MYO5C: variants seen among roughly 807,000 people sequenced by gnomAD.
MYO5C encodes unconventional myosin-Vc.
Under a neutral mutation model 235.7 loss-of-function variants are expected in MYO5C, and 194 were observed. That is an observed-to-expected ratio of 0.82 (90% CI 0.73 to 0.93). The LOEUF (loss-of-function observed/expected upper bound fraction) is 0.93, where lower values mean the gene tolerates loss of function less well. Among genes scored for constraint, MYO5C ranks in the 40% least tolerant of loss-of-function variants. The pLI, the probability that MYO5C is intolerant of heterozygous loss-of-function variation, is 0.00. For missense variants in MYO5C, 2,038 were observed against 2,127.2 expected (o/e 0.96, Z 0.82); for synonymous variants, 707 against 754.8 (o/e 0.94, Z 1.04).
chr15:52,226,495 C>T (rs529193970), intron 25 of MYO5C, among the ~76,000 whole-genome samples: 1 of 152,278 alleles, frequency 6.6e-6, no homozygotes. Flanking sequence ...GATATTTTTT[C>T]AGTTACCCTG....
intron 20 of MYO5C, among the ~76,000 whole-genome samples, chr15:52,241,250 C>CTTTT (rs71130143): frequency 3.4e-5 from 2 of 59,578 alleles, no homozygotes; most frequent in African/African-American, 6.9e-5. Flanking sequence ...GTGGGCTAAT[C>CTTTT]TTTTTTTTTT....
Position 52,205,866 on chromosome 15 carries a change from A to C in MYO5C, c.4487T>G (p.Ile1496Arg), listed in dbSNP as rs765944504. The C allele has an allele frequency of 6.3e-7, 1 of 1,592,682 alleles. No individual in the cohort carries two copies. The highest frequency in any genetic ancestry group is 1.3e-5 in the African/African-American group (1 of 74,556). ...CATTATGATAATAAATTGATGATAT[A>C]TTCGTATAGCCACATCACTGAGAAT... ...RQILSDVAIR[I>R]YHQFIIIMEK... The change falls in exon 37 of 41, where the codon ATA becomes AGA. Residue 1496 changes from isoleucine (I) to arginine (R), a missense_variant. Coordinates refer to ENST00000261839, the MANE Select transcript of MYO5C (RefSeq NM_018728.4).
At position 52,244,556 on chromosome 15, in the gene MYO5C, C is replaced by T. The variant is rs767692060; in HGVS notation, c.2190G>A (p.Gln730=). 6.2e-7 allele frequency: 1 copy of T among 1,608,676 alleles called. No homozygotes were observed. ...AAATTTTGGTTTTACCAAACTGGTA[C>T]TGATTAGAATCCTGGAAGAGAAAAA... ...VLHRLIQDSN[Q]YQFGKTKIFF... is the part of the protein sequence containing the mutation. The change falls in exon 19 of 41, where the codon CAG becomes CAA. Residue 730 remains glutamine, a synonymous_variant. Coordinates refer to ENST00000261839, the MANE Select transcript of MYO5C (RefSeq NM_018728.4).
chr15:52,251,832 T>G (rs2036479635), intron 12 of MYO5C, among the ~76,000 whole-genome samples: 1 of 151,968 alleles, frequency 6.6e-6, no homozygotes, highest in South Asian at 2.1e-4. Flanking sequence ...GCCTGACTAA[T>G]TTTTGTATTT....
At chr15:52,227,045 G>A (rs905690110) in intron 25 of MYO5C, among the ~76,000 whole-genome samples, 3 of 151,818 alleles carry the variant, frequency 2.0e-5, no homozygotes, top group African/African-American at 4.8e-5. Flanking sequence ...CCAGCTACCT[G>A]GGAGGCTGAG....
rs1420190741 is a variant in MYO5C, at chr15:52,205,977, T to G, written c.4387-11A>C. 3 of 1,469,804 alleles carry G rather than the reference T, an allele frequency of 2.0e-6. No homozygotes were observed. The highest frequency in any genetic ancestry group is 2.8e-6 in the Non-Finnish European group (3 of 1,088,960). The allele number at this position is 1,469,804 out of a possible 1,614,324, so 91.0% of individuals were successfully genotyped here. A position where few individuals can be genotyped will look rare whatever the true frequency, so the allele number is the denominator to read the frequency against. On this transcript the variant is annotated splice_polypyrimidine_tract_variant and intron_variant, in intron 36 of 40. Transcript: ENST00000261839. Reference sequence around the variant, plus strand: ...ATGCTTCATGAATTCCTAAAAGTAATTTTAAACATAAAATATTAGAATAAT... The same window carrying G: ...ATGCTTCATGAATTCCTAAAAGTAAGTTTAAACATAAAATATTAGAATAAT...
intron 11 of MYO5C, among the ~76,000 whole-genome samples, chr15:52,256,256 T>A (rs183756409): frequency 1.3e-5 from 2 of 151,956 alleles, no homozygotes; most frequent in Middle Eastern, 3.4e-3. Flanking sequence ...CACGTGAAGA[T>A]AAAGCAATGG....
At chr15:52,247,398 T>C (rs887893083) in intron 15 of MYO5C, 60 bp downstream of exon 15, 55 of 1,575,768 alleles carry the variant, frequency 3.5e-5, no homozygotes, top group Middle Eastern at 1.7e-4. Context: ...CTGAGTGCCC[T>C]GGCTCCCCAG....
chr15:52,195,325 T>C, intron 40 of MYO5C, 52 bp downstream of exon 40: 1 of 1,234,176 alleles, frequency 8.1e-7, no homozygotes, highest in Non-Finnish European at 1.2e-6. Flanking sequence ...TATCAACATC[T>C]TATACCATAG....
chr15:52,281,904 A>G (rs1157997370), intron 2 of MYO5C, among the ~76,000 whole-genome samples: 1 of 152,166 alleles, frequency 6.6e-6, no homozygotes, highest in East Asian at 1.9e-4. Context: ...CACCTCTGGG[A>G]TCTAGATGGA....
chr15:52,213,118 G>C, intron 34 of MYO5C, 70 bp downstream of exon 34: 1 of 1,169,496 alleles, frequency 8.6e-7, no homozygotes, highest in Non-Finnish European at 1.3e-6. Flanking sequence ...CCCTGCCCAG[G>C]ACTTTGGCAC....
Position 52,247,523 on chromosome 15 carries a change from C to T in MYO5C, c.1816G>A (p.Val606Ile), listed in dbSNP as rs1239198163. The change falls in exon 15 of 41, where the codon GTT becomes ATT. Residue 606 changes from valine (V) to isoleucine (I), a missense_variant. By Grantham distance (29) the Val-to-Ile change is conservative. Transcript: ENST00000261839. ...TTGATGACTTGCTTTGCAGATTTAACTGTAATCATTGAACCAAAAGGAGAA... is the reference window on the plus strand; with the variant it reads ...TTGATGACTTGCTTTGCAGATTTAATTGTAATCATTGAACCAAAAGGAGAA... ...PPSPFGSMIT[V>I]KSAKQVIKPN... is the part of the protein sequence containing the mutation. 1.2e-6 allele frequency: 2 copies of T among 1,614,052 alleles called. No homozygotes were observed. The highest frequency in any genetic ancestry group is 4.5e-5 in the East Asian group (2 of 44,892).
chr15:52,238,271 C>T (rs1053216240), intron 21 of MYO5C, among the ~76,000 whole-genome samples: 33 of 152,242 alleles, frequency 2.2e-4, no homozygotes, highest in Non-Finnish European at 7.3e-5. Flanking sequence ...TTTGCTATGA[C>T]AGTCCTAGCA....
Position 52,195,440 on chromosome 15 carries a change from A to C in MYO5C, c.5013T>G (p.Asn1671Lys). 6.2e-7 allele frequency: 1 copy of C among 1,612,138 alleles called. No individual in the cohort carries two copies. The highest frequency in any genetic ancestry group is 8.5e-7 in the Non-Finnish European group (1 of 1,178,872). Residue 1671 changes from asparagine to lysine, a missense_variant, in exon 40 of 41, where the codon AAT becomes AAG. Transcript: ENST00000261839. Reference protein sequence around the residue: ...LSAVQIIKILNSYTPIDDFEK... With the variant: ...LSAVQIIKILKSYTPIDDFEK... ...CAAAGTCATCTATAGGTGTGTATGA[A>C]TTAAGGATCTTTATGATCTGCAAAC... is the stretch of plus-strand genomic sequence containing the variant.
intron 32 of MYO5C, among the ~76,000 whole-genome samples, chr15:52,217,364 T>G (rs769970467): frequency 3.9e-5 from 6 of 152,120 alleles, no homozygotes; most frequent in Admixed American, 1.3e-4. Context: ...AGGAACGAAC[T>G]CATAAATCCG....
intron 1 of MYO5C, among the ~76,000 whole-genome samples, chr15:52,286,190 C>G (rs1247436105): frequency 6.6e-6 from 1 of 150,526 alleles, no homozygotes; most frequent in African/African-American, 2.4e-5. Context: ...AGAGTGTCTC[C>G]GCCCGGCAGC....
At chr15:52,266,640 G>C (rs899577669) in intron 8 of MYO5C, among the ~76,000 whole-genome samples, 1 of 152,164 alleles carries the variant, frequency 6.6e-6, no homozygotes, top group Non-Finnish European at 1.5e-5. Context: ...AGGAAACTAA[G>C]GCATAGGAAG....
chr15:52,200,699 TAGA>T lies in MYO5C; in HGVS notation c.4820+4163_4820+4165del, dbSNP rs1483009728. Among the ~76,000 whole-genome samples, 4 of 152,164 alleles carry T rather than the reference TAGA, an allele frequency of 2.6e-5. No individual in the cohort carries two copies. The East Asian group carries it at 5.8e-4, about 22-fold the overall frequency. On this transcript the variant is annotated intron_variant, in intron 38 of 40. Coordinates refer to ENST00000261839, the MANE Select transcript of MYO5C (RefSeq NM_018728.4). ...AACTCACATTAAACAAAACAACTAA[TAGA>T]AGTCAACACTGAGATGACACAGATA...
chr15:52,269,773 T>C lies in MYO5C; in HGVS notation c.920A>G (p.Gln307Arg). 1 of 1,612,128 alleles carries C rather than the reference T, an allele frequency of 6.2e-7. No individual in the cohort carries two copies. Among genetic ancestry groups the C allele is most frequent in the Non-Finnish European group, 8.5e-7 (1 of 1,178,312 alleles). ...CTTACCCAGAAGCGTGAAGGTCTTT[T>C]GAGTCTCTACCATTTCAGCTCGATC... Reference protein sequence around the residue: ...VNDRAEMVETQKTFTLLGFKE... With the variant: ...VNDRAEMVETRKTFTLLGFKE... Residue 307 changes from glutamine to arginine, a missense_variant, in exon 8 of 41, where the codon CAA becomes CGA. Gln to Arg is a conservative substitution (Grantham distance 43, BLOSUM62 1). Coordinates refer to ENST00000261839, the MANE Select transcript of MYO5C (RefSeq NM_018728.4).
Sources: allele counts gnomAD v4.1 joint callset (sites outside exome capture counted in the v4.1 genomes callset), GRCh38; gene constraint gnomAD v4.1.1; transcripts MANE v1.5; gene names NCBI Gene and HGNC (gene_info 2026-07-23, HGNC 2026-07-21).